Variants in HMGB1 observed in about 807,000 individuals in gnomAD.
The protein encoded by HMGB1 is high mobility group protein B1.
For synonymous variants in HMGB1, 81 were observed against 84.0 expected, an observed-to-expected ratio of 0.96 and a Z score of 0.19; for missense variants, 79 against 253.5, an observed-to-expected ratio of 0.31 and a Z score of 4.67.
chr13:30,560,002 CT>C, intron 1 of HMGB1, among the ~76,000 whole-genome samples: 1 of 152,254 alleles, frequency 6.6e-6, no homozygotes, highest in East Asian at 1.9e-4. Context: ...AAGGCACCCC[CT>C]CCCAGCATTT....
chr13:30,504,607 G>A (rs1397158915), intron 1 of HMGB1, among the ~76,000 whole-genome samples: 1 of 152,176 alleles, frequency 6.6e-6, no homozygotes, highest in East Asian at 1.9e-4. Flanking sequence ...AGTCATAGCT[G>A]CAGTGGAAAG....
chr13:30,551,955 A>G (rs889068050), intron 1 of HMGB1, among the ~76,000 whole-genome samples: 1 of 151,998 alleles, frequency 6.6e-6, no homozygotes, highest in Non-Finnish European at 1.5e-5. Flanking sequence ...TTGGCCTCCA[A>G]AGTGCTGGGA....
intron 1 of HMGB1, among the ~76,000 whole-genome samples, chr13:30,583,580 A>G (rs1319211290): frequency 6.6e-6 from 1 of 150,994 alleles, no homozygotes; most frequent in Non-Finnish European, 1.5e-5. Context: ...TCACACCTGT[A>G]ATCCCATCAC....
chr13:30,563,480 A>T (rs1870050125), intron 1 of HMGB1, among the ~76,000 whole-genome samples: 1 of 152,058 alleles, frequency 6.6e-6, no homozygotes, highest in Non-Finnish European at 1.5e-5. Flanking sequence ...GTGGTGGCAG[A>T]CACCTGTAGT....
intron 1 of HMGB1, among the ~76,000 whole-genome samples, chr13:30,583,174 ATCTT>A (rs1270513392): frequency 1.3e-5 from 2 of 152,126 alleles, no homozygotes; most frequent in South Asian, 2.1e-4. Context: ...ACCCTGACTG[ATCTT>A]TCTAAGCATA....
intron 1 of HMGB1, among the ~76,000 whole-genome samples, chr13:30,547,136 G>C (rs1319190939): frequency 6.6e-6 from 1 of 152,224 alleles, no homozygotes; most frequent in African/African-American, 2.4e-5. Context: ...GTGTTCTGCT[G>C]CTTAGCTTTG....
intron 1 of HMGB1, among the ~76,000 whole-genome samples, chr13:30,487,153 G>C (rs1887383042): frequency 6.6e-6 from 1 of 152,206 alleles, no homozygotes. Flanking sequence ...TTTGGGGAGA[G>C]ATCCTGGTGT....
intron 1 of HMGB1, among the ~76,000 whole-genome samples, chr13:30,475,195 G>A (rs1283835709): frequency 8.6e-6 from 1 of 115,786 alleles, no homozygotes; most frequent in Non-Finnish European, 1.7e-5. Flanking sequence ...GTGCAGTGAT[G>A]CGACTTCAGC....
chr13:30,599,403 G>A (rs1429027417), intron 1 of HMGB1, among the ~76,000 whole-genome samples: 1 of 152,174 alleles, frequency 6.6e-6, no homozygotes, highest in Non-Finnish European at 1.5e-5. Flanking sequence ...GGGAGGCGGA[G>A]GTTGTGATGA....
intron 1 of HMGB1, among the ~76,000 whole-genome samples, chr13:30,561,953 T>C (rs932113394): frequency 1.3e-5 from 2 of 152,144 alleles, no homozygotes; most frequent in Non-Finnish European, 2.9e-5. Flanking sequence ...AATGTGGAGA[T>C]ATAATCAGGT....
chr13:30,464,053 G>A, intron 1 of HMGB1: 1 of 954,514 alleles, frequency 1.0e-6, no homozygotes, highest in Non-Finnish European at 1.2e-6. Flanking sequence ...CAAACCAAAG[G>A]TCAGAAAACA....
intron 1 of HMGB1, among the ~76,000 whole-genome samples, chr13:30,613,842 A>G (rs1453885842): frequency 6.6e-6 from 1 of 152,186 alleles, no homozygotes; most frequent in African/African-American, 2.4e-5. Context: ...ATATGTGGAG[A>G]ATGATGTACG....
At chr13:30,466,019 C>G (rs1487481570), upstream of HMGB1, 1 of 930,034 alleles carries the variant, frequency 1.1e-6, no homozygotes, top group Non-Finnish European at 1.3e-6. Flanking sequence ...ATTGTCCTGA[C>G]CAGAGCCCGT....
intron 1 of HMGB1, among the ~76,000 whole-genome samples, chr13:30,604,157 G>T (rs186600611): frequency 1.3e-5 from 2 of 152,034 alleles, no homozygotes; most frequent in East Asian, 3.9e-4. Flanking sequence ...AAGTTGGGGG[G>T]TGGGTGGGTC....
At chr13:30,529,903 T>C (rs141837921) in intron 1 of HMGB1, among the ~76,000 whole-genome samples, 204 of 152,306 alleles carry the variant, frequency 1.3e-3, no homozygotes, top group Non-Finnish European at 1.5e-3. Context: ...TGCCACCATC[T>C]AACCAAACTC....
intron 1 of HMGB1, among the ~76,000 whole-genome samples, chr13:30,550,186 G>T (rs1869358266): frequency 6.6e-6 from 1 of 152,032 alleles, no homozygotes; most frequent in African/African-American, 2.4e-5. Context: ...TAATACTAGT[G>T]CTGTCATGAC....
chr13:30,466,298 C>CG (rs937837580), upstream of HMGB1, among the ~76,000 whole-genome samples: 3 of 151,380 alleles, frequency 2.0e-5, no homozygotes, highest in Non-Finnish European at 2.9e-5. Context: ...CACAGGTCTC[C>CG]CCCCCCCTTC....
At chr13:30,547,745 C>T (rs754313125) in intron 1 of HMGB1, among the ~76,000 whole-genome samples, 2 of 151,902 alleles carry the variant, frequency 1.3e-5, no homozygotes, top group Non-Finnish European at 2.9e-5. Context: ...GGTGAAACCC[C>T]GTCTCTACTA....
chr13:30,481,256 G>C (rs1168837256), intron 1 of HMGB1, among the ~76,000 whole-genome samples: 1 of 137,868 alleles, frequency 7.3e-6, no homozygotes, highest in Non-Finnish European at 1.6e-5. Context: ...GGGATTTTTT[G>C]ATGGAGAAAA....
Sources: allele counts gnomAD v4.1 joint callset (sites outside exome capture counted in the v4.1 genomes callset), GRCh38; gene constraint gnomAD v4.1.1; transcripts MANE v1.5; gene names NCBI Gene and HGNC (gene_info 2026-07-23, HGNC 2026-07-21).